The following EPHA6 variants were observed in gnomAD, a reference collection of about 807,000 sequenced individuals.
EPHA6 encodes the protein ephrin type-A receptor 6.
A neutral mutation model predicts 112.0 loss-of-function variants in EPHA6; 50 were observed. That is an observed-to-expected ratio of 0.45 (90% CI 0.36 to 0.56). EPHA6 has a LOEUF of 0.56. Among genes scored for constraint, EPHA6 ranks in the 20% least tolerant of loss-of-function variants. The probability of loss-of-function intolerance (pLI) is 0.00; values close to 1 mark genes in which losing one functional copy is unlikely to be tolerated. For missense variants in EPHA6, 1,280 were observed against 1,417.4 expected (o/e 0.90, Z 1.56); for synonymous variants, 529 against 490.7 (o/e 1.08, Z -1.03).
chr3:97,210,634 A>G (rs1021310189), intron 3 of EPHA6, among the ~76,000 whole-genome samples: 20 of 152,192 alleles, frequency 1.3e-4, no homozygotes, highest in Non-Finnish European at 2.6e-4. Flanking sequence ...TGAGAACTCG[A>G]ATTATAGGTT....
chr3:97,633,340 T>C (rs2107542088), intron 13 of EPHA6, among the ~76,000 whole-genome samples: 1 of 152,152 alleles, frequency 6.6e-6, no homozygotes, highest in South Asian at 2.1e-4. Context: ...ATCTCTGAGA[T>C]GCAGTATATA....
At chr3:97,430,223 A>G (rs2089423383) in intron 6 of EPHA6, among the ~76,000 whole-genome samples, 1 of 152,136 alleles carries the variant, frequency 6.6e-6, no homozygotes, top group Admixed American at 6.6e-5. Context: ...ATAACCAGAA[A>G]CATTTTTGAC....
intron 5 of EPHA6, among the ~76,000 whole-genome samples, chr3:97,340,932 G>T (rs1181128715): frequency 1.3e-5 from 2 of 152,132 alleles, no homozygotes; most frequent in Non-Finnish European, 2.9e-5. Flanking sequence ...GTACGATTTT[G>T]GGGCTGGGGG....
intron 2 of EPHA6, among the ~76,000 whole-genome samples, chr3:96,871,931 G>C (rs950160836): frequency 2.0e-5 from 3 of 152,096 alleles, no homozygotes; most frequent in Non-Finnish European, 4.4e-5. Flanking sequence ...AAAAGATGCT[G>C]AATCGAATTA....
intron 14 of EPHA6, among the ~76,000 whole-genome samples, chr3:97,657,348 A>G (rs1309681581): frequency 6.6e-6 from 1 of 151,854 alleles, no homozygotes; most frequent in Non-Finnish European, 1.5e-5. Flanking sequence ...TATATAAAGT[A>G]AAAACTAACA....
At chr3:97,182,491 T>C (rs756507359) in intron 3 of EPHA6, among the ~76,000 whole-genome samples, 2 of 151,942 alleles carry the variant, frequency 1.3e-5, no homozygotes, top group African/African-American at 4.8e-5. Context: ...TTCCTTGCAA[T>C]TGACTCTTCA....
At chr3:97,671,705 A>C (rs745561712) in intron 14 of EPHA6, among the ~76,000 whole-genome samples, 5 of 152,162 alleles carry the variant, frequency 3.3e-5, no homozygotes, top group Non-Finnish European at 7.4e-5. Flanking sequence ...GGATAGACTC[A>C]GGGCAAAATA....
intron 3 of EPHA6, among the ~76,000 whole-genome samples, chr3:97,188,993 A>AT (rs1013424745): frequency 6.6e-6 from 1 of 151,814 alleles, no homozygotes; most frequent in Non-Finnish European, 1.5e-5. Context: ...ATATTTTATA[A>AT]TTTTATATTA....
chr3:97,758,948 G>A lies in EPHA6; in HGVS notation c.*10247G>A, dbSNP rs190701214. ...CTACTGGAGTAATTCCAGCAAAAAC[G>A]TGGTGGATTCACTACTTCAAGATTT... On this transcript the variant is annotated 3_prime_UTR_variant, in exon 18 of 18. Transcript: ENST00000389672. 6.6e-6 allele frequency among the ~76,000 whole-genome samples: 1 copy of A among 151,936 alleles called. No individual in the cohort carries two copies. The highest frequency in any genetic ancestry group is 1.5e-5 in the Non-Finnish European group (1 of 67,872).
chr3:97,195,395 T>TC (rs112769934), intron 3 of EPHA6, among the ~76,000 whole-genome samples: 53,517 of 151,818 alleles, frequency 0.35, 11,056 homozygotes, highest in African/African-American at 0.57. Flanking sequence ...TTTAACTTCA[T>TC]CCCAGCCCTT....
chr3:97,271,273 C>T (rs190993656), intron 5 of EPHA6, among the ~76,000 whole-genome samples: 1 of 152,238 alleles, frequency 6.6e-6, no homozygotes, highest in Admixed American at 6.5e-5. Context: ...CCCATACTCA[C>T]TAAATCCATG....
At chr3:97,718,154 A>G (rs927019062) in intron 14 of EPHA6, among the ~76,000 whole-genome samples, 1 of 152,250 alleles carries the variant, frequency 6.6e-6, no homozygotes, top group Non-Finnish European at 1.5e-5. Context: ...TCCATATTGG[A>G]AACAAACCTG....
chr3:97,314,735 G>A (rs1270698554), intron 5 of EPHA6, among the ~76,000 whole-genome samples: 1 of 151,586 alleles, frequency 6.6e-6, no homozygotes, highest in African/African-American at 2.4e-5. Flanking sequence ...GGAAGCAGAA[G>A]GAGTAGGAAG....
chr3:97,590,887 A>C (rs1038899200), intron 11 of EPHA6, among the ~76,000 whole-genome samples: 1 of 152,216 alleles, frequency 6.6e-6, no homozygotes, highest in African/African-American at 2.4e-5. Context: ...GAAAATGATG[A>C]AACATTGCAA....
intron 5 of EPHA6, among the ~76,000 whole-genome samples, chr3:97,281,742 A>T (rs1314667554): frequency 6.6e-6 from 1 of 152,198 alleles, no homozygotes; most frequent in African/African-American, 2.4e-5. Context: ...GTATTAATAT[A>T]TGTAATTCTC....
intron 3 of EPHA6, among the ~76,000 whole-genome samples, chr3:97,185,408 T>C (rs1438889552): frequency 6.6e-6 from 1 of 152,040 alleles, no homozygotes; most frequent in African/African-American, 2.4e-5. Flanking sequence ...GGGTGAAGGA[T>C]ATGAACAGAC....
At chr3:96,926,847 G>A (rs1048437079) in intron 2 of EPHA6, among the ~76,000 whole-genome samples, 58 of 152,192 alleles carry the variant, frequency 3.8e-4, no homozygotes, top group African/African-American at 1.3e-3. Flanking sequence ...TGGGTGCACT[G>A]TGCAAACTGT....
At chr3:97,333,238 C>T (rs998080325) in intron 5 of EPHA6, among the ~76,000 whole-genome samples, 1 of 151,752 alleles carries the variant, frequency 6.6e-6, no homozygotes, top group East Asian at 1.9e-4. Context: ...ATATGTGGTA[C>T]TGAGTTTCTA....
chr3:97,175,729 C>G (rs777489925), intron 3 of EPHA6, among the ~76,000 whole-genome samples: 2 of 151,712 alleles, frequency 1.3e-5, no homozygotes, highest in African/African-American at 2.4e-5. Flanking sequence ...TGATTTTTGT[C>G]TGTTGAATTT....
Sources: gnomAD v4.1 joint callset for allele counts (sites outside exome capture counted in the v4.1 genomes callset) on GRCh38, gnomAD v4.1.1 for gene constraint, MANE v1.5 for transcripts, NCBI Gene and HGNC (gene_info 2026-07-23, HGNC 2026-07-21) for gene names.